Variants in MACF1 observed in about 807,000 individuals in gnomAD.
MACF1 encodes the protein microtubule actin crosslinking factor 1.
Under a neutral mutation model 854.8 loss-of-function variants are expected in MACF1, and 193 were observed. The ratio of observed to expected loss-of-function variants is 0.23; its 90% CI spans 0.20 to 0.25. The LOEUF is 0.25. Among genes scored for constraint, MACF1 ranks in the 10% least tolerant of loss-of-function variants. The probability of loss-of-function intolerance (pLI) is 1.00; values close to 1 mark genes in which losing one functional copy is unlikely to be tolerated. For missense variants in MACF1, 7,722 were observed against 8,929.1 expected, an observed-to-expected ratio of 0.86 and a Z score of 5.45; for synonymous variants, 3,185 against 3,226.7, an observed-to-expected ratio of 0.99 and a Z score of 0.44.
chr1:39,105,576 T>C lies in MACF1; in HGVS notation c.220+21138T>C. On this transcript the variant is annotated intron_variant, in intron 2 of 93. Transcript: ENST00000361689. This position sits in a 1 kb window ranked among gnomAD's most constrained non-coding sequence, Gnocchi z 5.9. ...CCGCCGCCGCCTCAGCGCGCGGGCC[T>C]GGAACCGGCAGCCCCCGGGGCTCGG... is the stretch of plus-strand genomic sequence containing the variant. The C allele has an allele frequency of 8.5e-7, 1 of 1,179,368 alleles. No individual in the cohort carries two copies. 73.1% of individuals were successfully genotyped at this position (1,179,368 alleles called of 1,614,324 possible). A position where few individuals can be genotyped will look rare whatever the true frequency, so the allele number is the denominator to read the frequency against.
Position 39,332,099 on chromosome 1 carries a change from C to A in MACF1, c.5511C>A (p.Ile1837=), listed in dbSNP as rs749881462. ...AVSNDLVAAK[I]ALVILESLWS... ...GCAATGATCTAGTAGCTGCTAAGAT[C>A]GCCCTTGTGATTCTGGAGTCCCTCT... Residue 1837 remains isoleucine (I), a synonymous_variant, in exon 37 of 101, where the codon ATC becomes ATA. Transcript: ENST00000564288. 2 of 1,614,062 alleles carry A rather than the reference C, an allele frequency of 1.2e-6. No individual in the cohort carries two copies. The highest frequency in any genetic ancestry group is 2.2e-5 in the South Asian group (2 of 91,054).
At chr1:39,411,763 G>A in intron 58 of MACF1, 1 of 1,613,810 alleles carries the variant, frequency 6.2e-7, no homozygotes, top group East Asian at 2.2e-5. Flanking sequence ...TGCATCCCAG[G>A]ATGCAGAAAA....
chr1:39,439,510 A>G lies in MACF1; in HGVS notation c.18447+10A>G. 1 of 1,605,406 alleles carries G rather than the reference A, an allele frequency of 6.2e-7. No homozygotes were observed. Among genetic ancestry groups the G allele is most frequent in the Non-Finnish European group, 8.5e-7 (1 of 1,173,090 alleles). The stretch of plus-strand genomic sequence containing the variant: ...GGTTGAAGCTGCTGAGGTAAGAAGG[A>G]AACAAAACCCTTTTTCTTAGGTGTC... On this transcript the variant is annotated intron_variant, in intron 72 of 100. Coordinates refer to ENST00000564288, the MANE Select transcript of MACF1 (RefSeq NM_001394062.1).
chr1:39,343,360 A>G (rs1413678819), intron 40 of MACF1, among the ~76,000 whole-genome samples: 1 of 152,140 alleles, frequency 6.6e-6, no homozygotes, highest in Non-Finnish European at 1.5e-5. Flanking sequence ...CTTATACACA[A>G]TCTCATCCCT....
chr1:39,316,275 T>C, intron 27 of MACF1, 116 bp from the exon 28 acceptor site: 1 of 771,586 alleles, frequency 1.3e-6, no homozygotes, highest in Non-Finnish European at 1.9e-6. Flanking sequence ...CATCTAAAAA[T>C]GGTGACATTG....
chr1:39,409,454 CATGGCGCGGGGA>C lies in MACF1; in HGVS notation c.15817-12918_15817-12907del, dbSNP rs1197442433. 1.3e-5 allele frequency: 2 copies of C among 152,126 alleles called. No homozygotes were observed. The highest frequency in any genetic ancestry group is 2.9e-5 in the Non-Finnish European group (2 of 68,072). 9.4% of individuals were successfully genotyped at this position (152,126 alleles called of 1,614,324 possible). ...CGACCCTGGCCCTCGGGGCGCGCGGCATGGCGCGGGGAAGCGGGCCGTGCTGAGCGAGCCCCT... is the reference window on the plus strand; with the variant it reads ...CGACCCTGGCCCTCGGGGCGCGCGGCAGCGGGCCGTGCTGAGCGAGCCCCT... On this transcript the variant is annotated intron_variant, in intron 58 of 100. Coordinates refer to ENST00000564288, the MANE Select transcript of MACF1 (RefSeq NM_001394062.1). This position sits in a 1 kb window ranked among gnomAD's most constrained non-coding sequence, Gnocchi z 4.2.
intron 2 of MACF1, among the ~76,000 whole-genome samples, chr1:39,169,668 A>C (rs1352660096): frequency 6.7e-6 from 1 of 150,070 alleles, no homozygotes; most frequent in African/African-American, 2.5e-5. Flanking sequence ...GGCTTATCTC[A>C]CTTATTTTCC....
intron 64 of MACF1, among the ~76,000 whole-genome samples, 193 bp downstream of exon 64, chr1:39,429,519 C>T (rs1018508743): frequency 5.9e-5 from 9 of 152,112 alleles, no homozygotes; most frequent in Non-Finnish European, 1.2e-4. Flanking sequence ...TATCTCACAT[C>T]TGGTTATAGA....
rs747567098 is a variant in MACF1 at position 39,388,078 on chromosome 1, A to T, written c.15236A>T (p.Asp5079Val). 3 of 1,614,124 alleles carry T rather than the reference A, an allele frequency of 1.9e-6. No homozygotes were observed. The South Asian group carries it at 3.3e-5, about 18-fold the overall frequency. The stretch of plus-strand genomic sequence containing the variant: ...AACTTTACTCAGGGTCTGGTAGAAG[A>T]TGCCCCAGATGGATCTGATGCTTCT... ...LRNFTQGLVE[D>V]APDGSDASQL... Residue 5079 changes from aspartate to valine, a missense_variant, in exon 58 of 101, where the codon GAT becomes GTT. Physicochemically the swap from Asp to Val is radical, Grantham distance 152. This residue lies in a region of MACF1 where 2,807 missense variants were observed against 3,235.8 expected (regional missense o/e 0.87). Coordinates refer to ENST00000564288, the MANE Select transcript of MACF1 (RefSeq NM_001394062.1).
rs987604640 is a variant in MACF1 at position 39,440,884 on chromosome 1, G to C, written c.18448-119G>C. 1.6e-5 allele frequency: 15 copies of C among 939,224 alleles called. No homozygotes were observed. The East Asian group carries it at 3.5e-4, about 22-fold the overall frequency. 58.2% of individuals were successfully genotyped at this position (939,224 alleles called of 1,614,324 possible). A position where few individuals can be genotyped will look rare whatever the true frequency, so the allele number is the denominator to read the frequency against. On this transcript the variant is annotated intron_variant, in intron 72 of 100. Coordinates refer to ENST00000564288, the MANE Select transcript of MACF1 (RefSeq NM_001394062.1). ...GTCTGAAGCTTTAGTGTCCAGATAA[G>C]TGAAACTGACAGTTATGTTGAGCAT...
At position 39,324,697 on chromosome 1, in the gene MACF1, A is replaced by G. The variant is rs768457783; in HGVS notation, c.4441A>G (p.Lys1481Glu). 25 of 1,613,634 alleles carry G rather than the reference A, an allele frequency of 1.5e-5. No homozygotes were observed. Among genetic ancestry groups the G allele is most frequent in the Non-Finnish European group, 2.0e-5 (24 of 1,179,740 alleles). ...TKKEQVSEAI[K>E]TSQIFLAKHG... ...GAAAGAACAAGTCTCTGAAGCTATT[A>G]AAACATCACAGATCTTCTTGGCCAA... The change falls in exon 35 of 101, where the codon AAA becomes GAA. Residue 1481 changes from lysine (K) to glutamate (E), a missense_variant. Lys to Glu is a moderately conservative substitution (Grantham distance 56). Transcript: ENST00000564288.
At chr1:39,214,051 G>A (rs1644547369) in intron 1 of MACF1, among the ~76,000 whole-genome samples, 1 of 152,104 alleles carries the variant, frequency 6.6e-6, no homozygotes, top group African/African-American at 2.4e-5. Context: ...TAGTCGTTTG[G>A]GCTAATCTCT....
At chr1:39,466,008 C>G (rs911748652) in intron 95 of MACF1, among the ~76,000 whole-genome samples, 5 of 152,134 alleles carry the variant, frequency 3.3e-5, no homozygotes, top group African/African-American at 1.2e-4. Context: ...TTTGAAGAGT[C>G]CTGACACCCT....
chr1:39,208,287 C>T (rs1334660003), intron 1 of MACF1, among the ~76,000 whole-genome samples: 1 of 151,728 alleles, frequency 6.6e-6, no homozygotes, highest in African/African-American at 2.4e-5. Flanking sequence ...CTAATGGATG[C>T]TTGTCCTTTA....
intron 2 of MACF1, among the ~76,000 whole-genome samples, chr1:39,112,495 C>T (rs12407679): frequency 0.42 from 63,061 of 151,774 alleles, 13,858 homozygotes; most frequent in East Asian, 0.67. Context: ...CCAGTCAACA[C>T]GGTGAAACCC....
intron 97 of MACF1, among the ~76,000 whole-genome samples, chr1:39,477,127 T>TACAC (rs1234149431): frequency 3.6e-5 from 1 of 28,052 alleles, no homozygotes; most frequent in African/African-American, 1.5e-4. Context: ...TGTATATATA[T>TACAC]ATATATATAC....
Position 39,372,834 on chromosome 1 carries a change from A to T in MACF1, c.13213+238A>T, listed in dbSNP as rs1238521165. 10 of 407,194 alleles carry T rather than the reference A, an allele frequency of 2.5e-5. No individual in the cohort carries two copies. In the East Asian group the frequency reaches 5.5e-4, roughly 22 times the overall value. 25.2% of individuals were successfully genotyped at this position (407,194 alleles called of 1,614,324 possible). ...AGTAAATGAACTAGTTGTCCCACTTAGAACTATCAAATGAACACTGAATAA... is the reference window on the plus strand; with the variant it reads ...AGTAAATGAACTAGTTGTCCCACTTTGAACTATCAAATGAACACTGAATAA... On this transcript the variant is annotated intron_variant, in intron 52 of 100. Coordinates refer to ENST00000564288, the MANE Select transcript of MACF1 (RefSeq NM_001394062.1).
chr1:39,270,846 A>G (rs1312997879), intron 6 of MACF1, among the ~76,000 whole-genome samples: 2 of 152,188 alleles, frequency 1.3e-5, no homozygotes, highest in Non-Finnish European at 2.9e-5. Context: ...GGCTGAGGAT[A>G]GATACAAATT....
chr1:39,102,755 TGCA>T (rs1304920956), intron 2 of MACF1: 1 of 702,460 alleles, frequency 1.4e-6, no homozygotes, highest in South Asian at 1.5e-5. Flanking sequence ...TTCTTAGAAA[TGCA>T]GCAGCAGTCT....
Sources: gnomAD v4.1 joint callset for allele counts (sites outside exome capture counted in the v4.1 genomes callset) on GRCh38, gnomAD v4.1.1 for gene constraint, gnomAD v4.1.1 regional missense constraint, Gnocchi (gnomAD v3.1) non-coding constraint, MANE v1.5 for transcripts, NCBI Gene and HGNC (gene_info 2026-07-23, HGNC 2026-07-21) for gene names.